Variants in HUNK observed in about 807,000 individuals in gnomAD.
HUNK encodes hormonally up-regulated Neu-associated kinase, also known as hormonally up-regulated neu tumor-associated kinase.
In HUNK, 21 loss-of-function variants were observed where a neutral mutation model predicts 61.0. The observed-to-expected ratio is 0.34, with a 90% confidence interval of 0.24 to 0.50. HUNK has a LOEUF of 0.50. HUNK is among the 20% of genes least tolerant of loss of function. The pLI is 0.98. For synonymous variants in HUNK, 371 were observed against 386.1 expected, an observed-to-expected ratio of 0.96 and a Z score of 0.46; for missense variants, 772 against 945.7, an observed-to-expected ratio of 0.82 and a Z score of 2.41.
At chr21:31,929,173 G>A (rs908217222) in intron 2 of HUNK, among the ~76,000 whole-genome samples, 4 of 151,706 alleles carry the variant, frequency 2.6e-5, no homozygotes, top group South Asian at 2.1e-4. Context: ...GCATTAAATG[G>A]AAATATTTAT....
intron 4 of HUNK, among the ~76,000 whole-genome samples, chr21:31,952,309 T>A (rs73193431): frequency 0.06 from 9,132 of 152,212 alleles, 380 homozygotes; most frequent in African/African-American, 0.11. Flanking sequence ...GTGGAAGTTA[T>A]TTTTAATTTT....
At chr21:31,940,741 G>T (rs1040043099) in intron 3 of HUNK, among the ~76,000 whole-genome samples, 1 of 152,144 alleles carries the variant, frequency 6.6e-6, no homozygotes, top group Non-Finnish European at 1.5e-5. Flanking sequence ...ATAATTCATG[G>T]TCCATAGCAA....
chr21:31,947,795 A>G (rs1294309828), intron 4 of HUNK, among the ~76,000 whole-genome samples: 1 of 152,204 alleles, frequency 6.6e-6, no homozygotes, highest in Non-Finnish European at 1.5e-5. Flanking sequence ...ATAGGACTCA[A>G]TCCTTTGCCA....
chr21:31,898,744 G>A (rs1303190114), intron 1 of HUNK, among the ~76,000 whole-genome samples: 2 of 152,176 alleles, frequency 1.3e-5, no homozygotes, highest in Non-Finnish European at 2.9e-5. Flanking sequence ...GCTTCTGGAA[G>A]TGTAAGGAGA....
At chr21:31,989,649 G>T (rs1005205221) in intron 8 of HUNK, among the ~76,000 whole-genome samples, 14 of 148,632 alleles carry the variant, frequency 9.4e-5, no homozygotes, top group Non-Finnish European at 1.8e-4. Context: ...GGGAAGCAGA[G>T]GTTGCAGTGA....
At chr21:31,976,715 C>A (rs1436364283) in intron 7 of HUNK, among the ~76,000 whole-genome samples, 1 of 151,510 alleles carries the variant, frequency 6.6e-6, no homozygotes, top group Non-Finnish European at 1.5e-5. Context: ...GATCCTCCTA[C>A]CTCAGCCTCC....
intron 3 of HUNK, 105 bp downstream of exon 3, chr21:31,940,325 A>G: frequency 1.6e-6 from 1 of 624,852 alleles, no homozygotes; most frequent in Non-Finnish European, 2.7e-6. Context: ...CCCAGACAAT[A>G]TTCTAGATTA....
At position 31,899,731 on chromosome 21, in the gene HUNK, A is replaced by G. The variant is rs184038209; in HGVS notation, c.262-24737A>G. ...ACCATCTTGGTTCCTCCATCTTCTC[A>G]GTCCCTTTTGGGTTATTCAGCTCCT... On this transcript the variant is annotated intron_variant, in intron 1 of 10. Coordinates refer to ENST00000270112, the MANE Select transcript of HUNK (RefSeq NM_014586.2). 4.5e-3 allele frequency among the ~76,000 whole-genome samples: 678 copies of G among 151,248 alleles called. 3 individuals carry two copies. Among genetic ancestry groups the G allele is most frequent in the Non-Finnish European group, 5.0e-3 (341 of 67,892 alleles).
intron 4 of HUNK, among the ~76,000 whole-genome samples, chr21:31,956,497 C>T (rs1453461406): frequency 1.3e-5 from 2 of 152,170 alleles, no homozygotes; most frequent in African/African-American, 4.8e-5. Context: ...GAGTGTTTAG[C>T]TCTACCTCAA....
rs891480095 is a variant in HUNK at position 31,999,752 on chromosome 21, A to G, written c.*568A>G. ...GAGCTTCGGACCAAGATCAAACCAA[A>G]CAGTGGGGACCCCAACAGAAGAGAA... On this transcript the variant is annotated 3_prime_UTR_variant, in exon 11 of 11. Transcript: ENST00000270112. The G allele has an allele frequency of 1.6e-4, 25 of 161,088 alleles. No homozygotes were observed. Among genetic ancestry groups the G allele is most frequent in the Non-Finnish European group, 2.6e-4 (19 of 74,270 alleles). The allele number at this position is 161,088 out of a possible 1,614,324, so 10.0% of individuals were successfully genotyped here.
chr21:31,963,572 A>C (rs2052942836), intron 5 of HUNK, among the ~76,000 whole-genome samples: 1 of 152,174 alleles, frequency 6.6e-6, no homozygotes, highest in Admixed American at 6.5e-5. Flanking sequence ...ATCATGGCTC[A>C]CTGCAGCCTC....
rs1224236241 is a variant in HUNK at position 31,990,002 on chromosome 21, T to A, written c.1258-127T>A. On this transcript the variant is annotated intron_variant, in intron 8 of 10. Transcript: ENST00000270112. Reference sequence around the variant, plus strand: ...CTACTTCCATGGCAATTTCAGGATTTGCTTTCTGTCTATGAAAACCGAAAC... The same window carrying A: ...CTACTTCCATGGCAATTTCAGGATTAGCTTTCTGTCTATGAAAACCGAAAC... 4.9e-6 allele frequency: 4 copies of A among 816,366 alleles called. No individual in the cohort carries two copies. The Admixed American group carries it at 7.4e-5, about 15-fold the overall frequency. The allele number at this position is 816,366 out of a possible 1,614,324, so 50.6% of individuals were successfully genotyped here.
chr21:31,985,941 G>T (rs2053129706), intron 8 of HUNK, among the ~76,000 whole-genome samples: 3 of 152,084 alleles, frequency 2.0e-5, no homozygotes, highest in South Asian at 4.1e-4. Flanking sequence ...CAGGCTGGAT[G>T]CCCCCTTCCT....
chr21:31,908,168 AT>A (rs2052520618), intron 1 of HUNK, among the ~76,000 whole-genome samples: 1 of 152,146 alleles, frequency 6.6e-6, no homozygotes, highest in Non-Finnish European at 1.5e-5. Context: ...CTAAACAAAA[AT>A]TGATAGAATG....
chr21:31,885,956 C>T (rs962644898), intron 1 of HUNK, among the ~76,000 whole-genome samples: 9 of 152,146 alleles, frequency 5.9e-5, no homozygotes, highest in African/African-American at 2.2e-4. Flanking sequence ...TGGTCTTGAA[C>T]TCCTGACCTC....
intron 4 of HUNK, among the ~76,000 whole-genome samples, chr21:31,953,991 G>A (rs1475214951): frequency 6.6e-6 from 1 of 152,206 alleles, no homozygotes; most frequent in Non-Finnish European, 1.5e-5. Flanking sequence ...GATGGAGAGA[G>A]GCAAAGACCA....
chr21:31,913,456 C>T (rs2052559648), intron 1 of HUNK, among the ~76,000 whole-genome samples: 1 of 151,886 alleles, frequency 6.6e-6, no homozygotes, highest in South Asian at 2.1e-4. Flanking sequence ...GTGGAGGTGA[C>T]AGACTCTTGG....
At chr21:31,917,352 C>A (rs931662453) in intron 1 of HUNK, among the ~76,000 whole-genome samples, 1 of 152,094 alleles carries the variant, frequency 6.6e-6, no homozygotes, top group African/African-American at 2.4e-5. Flanking sequence ...GCCACCACGC[C>A]TGGTTAATTT....
At chr21:31,901,355 AT>A (rs1397204824) in intron 1 of HUNK, among the ~76,000 whole-genome samples, 2 of 152,132 alleles carry the variant, frequency 1.3e-5, no homozygotes, top group Non-Finnish European at 2.9e-5. Flanking sequence ...GGGTGTGACC[AT>A]CTTCACCTGT....
Sources: allele counts gnomAD v4.1 joint callset (sites outside exome capture counted in the v4.1 genomes callset), GRCh38; gene constraint gnomAD v4.1.1; transcripts MANE v1.5; gene names NCBI Gene and HGNC (gene_info 2026-07-23, HGNC 2026-07-21).